The following ZFR variants were observed in gnomAD, a reference collection of about 807,000 sequenced individuals.
ZFR encodes zinc finger RNA-binding protein.
Under a neutral mutation model 130.7 loss-of-function variants are expected in ZFR, and 19 were observed. The ratio of observed to expected loss-of-function variants is 0.15; its 90% CI spans 0.10 to 0.21. The LOEUF (loss-of-function observed/expected upper bound fraction) is 0.21. ZFR is among the 10% of genes least tolerant of loss of function. The pLI, the probability that ZFR is intolerant of heterozygous loss-of-function variation, is 1.00. For synonymous variants in ZFR, 466 were observed against 456.9 expected (o/e 1.02, Z -0.25); for missense variants, 872 against 1,321.5 (o/e 0.66, Z 5.27).
chr5:32,439,572 G>C (rs1366563504), intron 2 of ZFR, among the ~76,000 whole-genome samples: 1 of 152,070 alleles, frequency 6.6e-6, no homozygotes, highest in East Asian at 1.9e-4. Context: ...TTAAGGTACA[G>C]CAATAGTCAA....
Position 32,417,602 on chromosome 5 carries a change from T to C in ZFR, c.565+46A>G, listed in dbSNP as rs534235555. 1.8e-5 allele frequency: 29 copies of C among 1,603,068 alleles called. No individual in the cohort carries two copies. The South Asian group carries it at 2.9e-4, about 16-fold the overall frequency. ...TCTTCATTAAACGCAGTAAGTCATA[T>C]ACTTCAATAGTTTACAAAGAAACTC... On this transcript the variant is annotated intron_variant, in intron 4 of 19. Transcript: ENST00000265069.
intron 2 of ZFR, among the ~76,000 whole-genome samples, chr5:32,430,079 CAAAAA>C (rs56163955): frequency 8.5e-4 from 60 of 70,294 alleles, no homozygotes; most frequent in African/African-American, 3.5e-3. Flanking sequence ...GACCCTATTT[CAAAAA>C]AAAAAAAAAA....
chr5:32,422,169 G>A (rs1198512106), intron 2 of ZFR, among the ~76,000 whole-genome samples: 1 of 151,928 alleles, frequency 6.6e-6, no homozygotes, highest in East Asian at 1.9e-4. Context: ...GGTGGGAATA[G>A]GATGGGAATG....
intron 8 of ZFR, 91 bp downstream of exon 8, chr5:32,403,015 T>C (rs1298315876): frequency 4.5e-6 from 6 of 1,329,892 alleles, no homozygotes; most frequent in Admixed American, 4.0e-5. Flanking sequence ...AGGAGGCAGG[T>C]CCAAGAACAC....
At chr5:32,379,454 G>T in intron 16 of ZFR, 1 of 445,866 alleles carries the variant, frequency 2.2e-6, no homozygotes. Context: ...TTGATCCCCT[G>T]TGAACCTTGA....
chr5:32,394,988 C>A (rs998681799), intron 11 of ZFR, among the ~76,000 whole-genome samples, 171 bp downstream of exon 11: 1 of 152,064 alleles, frequency 6.6e-6, no homozygotes, highest in African/African-American at 2.4e-5. Flanking sequence ...ATTAGTATAG[C>A]CAGTAACAAT....
chr5:32,390,079 A>G (rs763403513), intron 12 of ZFR, among the ~76,000 whole-genome samples, 196 bp downstream of exon 12: 8 of 152,222 alleles, frequency 5.3e-5, no homozygotes, highest in Non-Finnish European at 7.3e-5. Context: ...TGAACCTGGG[A>G]AGCGCACGTT....
chr5:32,410,976 A>T (rs1425852328), intron 5 of ZFR, among the ~76,000 whole-genome samples: 1 of 152,246 alleles, frequency 6.6e-6, no homozygotes, highest in Non-Finnish European at 1.5e-5. Context: ...ACATGTAAGG[A>T]TGTTCTACCT....
intron 15 of ZFR, among the ~76,000 whole-genome samples, chr5:32,385,115 T>C (rs1753017002): frequency 6.6e-6 from 1 of 152,142 alleles, no homozygotes; most frequent in Non-Finnish European, 1.5e-5. Flanking sequence ...TTGTCTTTTT[T>C]GTAAGACAAG....
intron 5 of ZFR, among the ~76,000 whole-genome samples, chr5:32,407,447 T>A (rs1029781655): frequency 6.6e-6 from 1 of 150,610 alleles, no homozygotes; most frequent in Non-Finnish European, 1.5e-5. Flanking sequence ...CTCATGAAAG[T>A]AAGATTTGAC....
At chr5:32,439,478 G>A (rs13354259) in intron 2 of ZFR, among the ~76,000 whole-genome samples, 2,893 of 152,184 alleles carry the variant, frequency 0.019, 107 homozygotes, top group African/African-American at 0.067. Flanking sequence ...TACCCTACCC[G>A]AGTTATCTCA....
intron 15 of ZFR, chr5:32,380,404 C>G (rs949872069): frequency 1.4e-5 from 5 of 363,060 alleles, no homozygotes; most frequent in Non-Finnish European, 2.6e-5. Flanking sequence ...ATAAACCCTA[C>G]CCACCAAAAC....
chr5:32,401,317 A>G (rs1753443861), intron 8 of ZFR, among the ~76,000 whole-genome samples: 1 of 152,218 alleles, frequency 6.6e-6, no homozygotes, highest in South Asian at 2.1e-4. Context: ...ACAAATAACG[A>G]TAATACAATG....
intron 19 of ZFR, among the ~76,000 whole-genome samples, chr5:32,356,570 G>A (rs923496889): frequency 3.2e-4 from 49 of 151,698 alleles, no homozygotes; most frequent in Non-Finnish European, 6.0e-4. Context: ...CCGCCACCAC[G>A]CCTGGCTAAT....
intron 1 of ZFR, 116 bp downstream of exon 1, chr5:32,444,506 G>A: frequency 2.3e-6 from 3 of 1,319,602 alleles, no homozygotes; most frequent in Non-Finnish European, 3.0e-6. Flanking sequence ...TCACTCGCAC[G>A]CCCGGGTGGC....
chr5:32,380,595 T>C (rs1358289471), intron 15 of ZFR, among the ~76,000 whole-genome samples: 1 of 151,074 alleles, frequency 6.6e-6, no homozygotes, highest in Admixed American at 6.6e-5. Context: ...AAATATAGAA[T>C]GCTCAATATA....
chr5:32,394,229 TAAAC>T (rs2111747445), intron 11 of ZFR: 1 of 159,182 alleles, frequency 6.3e-6, no homozygotes, highest in East Asian at 1.9e-4. Context: ...AATGAACGAA[TAAAC>T]AAAATGTGGT....
chr5:32,359,754 G>T (rs1314874894), intron 19 of ZFR, among the ~76,000 whole-genome samples: 1 of 152,148 alleles, frequency 6.6e-6, no homozygotes, highest in East Asian at 1.9e-4. Flanking sequence ...TTCGACACCA[G>T]CCTGGCCAAC....
chr5:32,367,284 A>T (rs1189735824), intron 17 of ZFR, among the ~76,000 whole-genome samples: 1 of 151,834 alleles, frequency 6.6e-6, no homozygotes, highest in African/African-American at 2.4e-5. Flanking sequence ...AAACACAAAA[A>T]ATTAGCCGGG....
Sources: allele counts gnomAD v4.1 joint callset (sites outside exome capture counted in the v4.1 genomes callset), GRCh38; gene constraint gnomAD v4.1.1; transcripts MANE v1.5; gene names NCBI Gene and HGNC (gene_info 2026-07-23, HGNC 2026-07-21).